The following ATP6V0A4 variants were observed in gnomAD, a reference collection of about 807,000 sequenced individuals.
The protein encoded by ATP6V0A4 is V-type proton ATPase 116 kDa subunit a 4.
In ATP6V0A4, 86 loss-of-function variants were observed where a neutral mutation model predicts 107.3. That is an observed-to-expected ratio of 0.80 (90% CI 0.67 to 0.96). ATP6V0A4 has a LOEUF of 0.96. Ranked by LOEUF, ATP6V0A4 falls within the 40% of genes least tolerant of loss-of-function variation. The pLI is 0.00. For missense variants in ATP6V0A4, 908 were observed against 1,045.6 expected (o/e 0.87, Z 1.81); for synonymous variants, 353 against 381.4 (o/e 0.93, Z 0.87).
At chr7:138,790,304 G>A (rs1563023967) in intron 1 of ATP6V0A4, among the ~76,000 whole-genome samples, 1 of 152,038 alleles carries the variant, frequency 6.6e-6, no homozygotes, top group African/African-American at 2.4e-5. Flanking sequence ...TGTTGCTGTT[G>A]TTTTTTTGAG....
At chr7:138,784,267 C>CAG (rs1808069113) in intron 2 of ATP6V0A4, among the ~76,000 whole-genome samples, 1 of 119,328 alleles carries the variant, frequency 8.4e-6, no homozygotes, top group African/African-American at 3.9e-5. Context: ...TATATATATA[C>CAG]ATATATATAT....
chr7:138,768,828 G>C lies in ATP6V0A4; in HGVS notation c.243C>G (p.Leu81=), dbSNP rs137955459. The change falls in exon 5 of 22, where the codon CTC becomes CTG. Residue 81 remains leucine, a synonymous_variant. Coordinates refer to ENST00000310018, the MANE Select transcript of ATP6V0A4 (RefSeq NM_020632.3). ...GGAGCGGGGTCAGTGGGCTTTTCTC[G>C]AGCAACTGAACTACAATCTCATTTT... is the stretch of plus-strand genomic sequence containing the variant. The part of the protein sequence containing the change: ...EMQNEIVVQL[L]EKSPLTPLPR... 2.5e-6 allele frequency: 4 copies of C among 1,614,088 alleles called. No homozygotes were observed. The highest frequency in any genetic ancestry group is 1.1e-5 in the South Asian group (1 of 91,068).
chr7:138,734,300 A>T (rs748420920), intron 15 of ATP6V0A4, 46 bp from the exon 16 acceptor site: 14 of 1,609,396 alleles, frequency 8.7e-6, no homozygotes, highest in Admixed American at 6.7e-5. Context: ...AGAGTCTTAG[A>T]AGTTCTACTG....
At chr7:138,720,865 A>G (rs971368663) in intron 19 of ATP6V0A4, among the ~76,000 whole-genome samples, 7 of 152,092 alleles carry the variant, frequency 4.6e-5, no homozygotes, top group South Asian at 2.1e-4. Flanking sequence ...TTGGACTCCT[A>G]ACCTCAAGTG....
chr7:138,751,365 G>A (rs981880817), intron 11 of ATP6V0A4, among the ~76,000 whole-genome samples: 3 of 152,100 alleles, frequency 2.0e-5, no homozygotes, highest in South Asian at 2.1e-4. Flanking sequence ...CTCTGAAGAC[G>A]AGTGACTAAA....
At chr7:138,748,941 A>G (rs895184015) in intron 12 of ATP6V0A4, among the ~76,000 whole-genome samples, 1 of 152,198 alleles carries the variant, frequency 6.6e-6, no homozygotes, top group Non-Finnish European at 1.5e-5. Context: ...TCTTTCACCA[A>G]TCGGCATTTA....
intron 5 of ATP6V0A4, among the ~76,000 whole-genome samples, chr7:138,765,215 G>A (rs995674096): frequency 2.6e-5 from 4 of 152,078 alleles, no homozygotes; most frequent in Non-Finnish European, 4.4e-5. Context: ...CACAAGCAGC[G>A]TGAATCCTAT....
intron 15 of ATP6V0A4, among the ~76,000 whole-genome samples, chr7:138,738,460 C>A (rs991704635): frequency 6.6e-6 from 1 of 152,176 alleles, no homozygotes; most frequent in African/African-American, 2.4e-5. Flanking sequence ...AGATCATCCC[C>A]GTCTAGATTC....
At chr7:138,722,744 CAAAAAAAAAAA>C (rs71169049) in intron 18 of ATP6V0A4, among the ~76,000 whole-genome samples, 2 of 33,466 alleles carry the variant, frequency 6.0e-5, no homozygotes. Context: ...GACTCCATCT[CAAAAAAAAAAA>C]AAAAAAAAAA....
At chr7:138,767,067 A>G (rs1188789064) in intron 5 of ATP6V0A4, among the ~76,000 whole-genome samples, 1 of 152,220 alleles carries the variant, frequency 6.6e-6, no homozygotes, top group East Asian at 1.9e-4. Flanking sequence ...AAAATTCACA[A>G]ACAATGCCAT....
chr7:138,718,659 C>CGGAGAGGCATGGGG lies in ATP6V0A4; in HGVS notation c.2140-2779_2140-2778insCCCCATGCCTCTCC, dbSNP rs1262329254. ...ACGGATGTCTGCGGAGGGAGACGTC[C>CGGAGAGGCATGGGG]AGGAAGGAATTCGGGGCGGGGGGGG... On this transcript the variant is annotated intron_variant, in intron 19 of 21. Coordinates refer to ENST00000310018, the MANE Select transcript of ATP6V0A4 (RefSeq NM_020632.3). Among the ~76,000 whole-genome samples, 7 of 39,462 alleles carry CGGAGAGGCATGGGG rather than the reference C, an allele frequency of 1.8e-4. 2 individuals are homozygous for CGGAGAGGCATGGGG. In the East Asian group the frequency reaches 5.9e-3, roughly 33 times the overall value. 25.9% of individuals were successfully genotyped at this position (39,462 alleles called of 152,430 possible). A position where few individuals can be genotyped will look rare whatever the true frequency, so the allele number is the denominator to read the frequency against.
intron 10 of ATP6V0A4, among the ~76,000 whole-genome samples, chr7:138,753,225 T>C (rs145623708): frequency 6.6e-6 from 1 of 152,126 alleles, no homozygotes; most frequent in Non-Finnish European, 1.5e-5. Context: ...ACCACTGTCC[T>C]GATAAGAAAC....
rs200444317 is a variant in ATP6V0A4, at chr7:138,733,096, G to A, written c.1692-3C>T. ...TGTTGAGAGTTCTTCTGAAGTATCTGGGGGTGGAAGACACACACATACACA... is the reference window on the plus strand; with the variant it reads ...TGTTGAGAGTTCTTCTGAAGTATCTAGGGGTGGAAGACACACACATACACA... On this transcript the variant is annotated splice_polypyrimidine_tract_variant and splice_region_variant and intron_variant, in intron 16 of 21. Coordinates refer to ENST00000310018, the MANE Select transcript of ATP6V0A4 (RefSeq NM_020632.3). 6.2e-7 allele frequency: 1 copy of A among 1,613,814 alleles called. No individual in the cohort carries two copies. Among genetic ancestry groups the A allele is most frequent in the African/African-American group, 1.3e-5 (1 of 74,910 alleles).
intron 3 of ATP6V0A4, among the ~76,000 whole-genome samples, chr7:138,769,903 C>A (rs964905214): frequency 1.3e-5 from 2 of 151,992 alleles, no homozygotes; most frequent in Admixed American, 6.6e-5. Flanking sequence ...CATAATGAGA[C>A]CTCATCTCTA....
At chr7:138,721,806 C>T in intron 19 of ATP6V0A4, 91 bp downstream of exon 19, 4 of 1,472,260 alleles carry the variant, frequency 2.7e-6, no homozygotes, top group Non-Finnish European at 2.8e-6. Context: ...CCCCGTGGGG[C>T]CCTCCAGACC....
At chr7:138,722,443 T>A (rs1804468703) in intron 18 of ATP6V0A4, among the ~76,000 whole-genome samples, 1 of 151,990 alleles carries the variant, frequency 6.6e-6, no homozygotes, top group Admixed American at 6.6e-5. Flanking sequence ...GGCTGGCAGA[T>A]CACTTGAGGT....
intron 7 of ATP6V0A4, among the ~76,000 whole-genome samples, chr7:138,762,021 C>T (rs1806844587): frequency 6.6e-6 from 1 of 152,110 alleles, no homozygotes; most frequent in South Asian, 2.1e-4. Context: ...ACATAAGTCC[C>T]CATAGCCTTG....
chr7:138,784,713 T>C (rs1808104118), intron 2 of ATP6V0A4, among the ~76,000 whole-genome samples: 1 of 152,210 alleles, frequency 6.6e-6, no homozygotes, highest in Non-Finnish European at 1.5e-5. Context: ...GAAACAACTT[T>C]CTTAGGGCAG....
At chr7:138,764,752 A>G (rs1807003328) in intron 5 of ATP6V0A4, among the ~76,000 whole-genome samples, 1 of 152,212 alleles carries the variant, frequency 6.6e-6, no homozygotes, top group Admixed American at 6.6e-5. Flanking sequence ...TTATCATGCT[A>G]GTTTTTAATC....
Sources: allele counts gnomAD v4.1 joint callset (sites outside exome capture counted in the v4.1 genomes callset), GRCh38; gene constraint gnomAD v4.1.1; transcripts MANE v1.5; gene names NCBI Gene and HGNC (gene_info 2026-07-23, HGNC 2026-07-21).